The following GFRA3 variants were observed in gnomAD, a reference collection of about 807,000 sequenced individuals.
The protein encoded by GFRA3 is GDNF family receptor alpha-3.
A neutral mutation model predicts 40.0 loss-of-function variants in GFRA3; 24 were observed. The ratio of observed to expected loss-of-function variants is 0.60; its 90% CI spans 0.43 to 0.84. GFRA3 has a LOEUF of 0.84. GFRA3 is among the 40% of genes least tolerant of loss of function. The pLI is 0.00. For synonymous variants in GFRA3, 203 were observed against 213.5 expected (o/e 0.95, Z 0.43); for missense variants, 405 against 530.6 (o/e 0.76, Z 2.33).
At chr5:138,271,497 A>G (rs1054430138) in intron 1 of GFRA3, among the ~76,000 whole-genome samples, 3 of 152,180 alleles carry the variant, frequency 2.0e-5, no homozygotes, top group Non-Finnish European at 4.4e-5. Context: ...GATCCAGGGC[A>G]AAGGTCATAA....
rs774870199 is a variant in GFRA3 at position 138,274,320 on chromosome 5, G to C, written c.91+14C>G. The C allele has an allele frequency of 3.8e-6, 5 of 1,321,066 alleles. No homozygotes were observed. The highest frequency in any genetic ancestry group is 2.7e-5 in the South Asian group (1 of 37,000). 81.8% of individuals were successfully genotyped at this position (1,321,066 alleles called of 1,614,324 possible). On this transcript the variant is annotated intron_variant, in intron 1 of 7. Coordinates refer to ENST00000274721, the MANE Select transcript of GFRA3 (RefSeq NM_001496.4). ...CCCACTGTACCCCCGGCCGGTGCGCGCTCTGACACTCACCGGCTGCGAGAG... is the reference window on the plus strand; with the variant it reads ...CCCACTGTACCCCCGGCCGGTGCGCCCTCTGACACTCACCGGCTGCGAGAG...
In GFRA3 at chr5:138,264,363, G is replaced by C. The variant is rs1382532123; in HGVS notation, c.277C>G (p.Leu93Val). Residue 93 changes from leucine (L) to valine (V), a missense_variant, in exon 2 of 8, where the codon CTC (leucine) becomes GTC (valine). Physicochemically the swap from Leu to Val is conservative, Grantham distance 32. Transcript: ENST00000274721. ...PADCLEAAQQ[L>V]RNSSLIGCMC... ...CAGCCTATCAGAGAGCTGTTCCTGAGTTGCTGTGCTGCCTCCAGGCAGTCA... is the reference window on the plus strand; with the variant it reads ...CAGCCTATCAGAGAGCTGTTCCTGACTTGCTGTGCTGCCTCCAGGCAGTCA... 1 of 1,614,028 alleles carries C rather than the reference G, an allele frequency of 6.2e-7. No individual in the cohort carries two copies. The highest frequency in any genetic ancestry group is 1.6e-4 in the Middle Eastern group (1 of 6,062).
chr5:138,268,027 G>A lies in GFRA3; in HGVS notation c.92-3479C>T, dbSNP rs538619841. 9.8e-5 allele frequency among the ~76,000 whole-genome samples: 15 copies of A among 152,298 alleles called. No homozygotes were observed. In the South Asian group the frequency reaches 2.7e-3, roughly 27 times the overall value. On this transcript the variant is annotated intron_variant, in intron 1 of 7. Transcript: ENST00000274721. ...GAACTTAAATCTGGCCACCACGCCT[G>A]TAATCTCAGCACTTTGGGAGGCCAA... is the stretch of plus-strand genomic sequence containing the variant.
chr5:138,258,708 A>G (rs1472935413), intron 3 of GFRA3, among the ~76,000 whole-genome samples: 2 of 152,066 alleles, frequency 1.3e-5, no homozygotes, highest in Non-Finnish European at 2.9e-5. Context: ...TCCAAATTCT[A>G]TTTTAGGTTT....
At chr5:138,269,988 T>C (rs1203669683) in intron 1 of GFRA3, among the ~76,000 whole-genome samples, 4 of 151,888 alleles carry the variant, frequency 2.6e-5, no homozygotes, top group African/African-American at 9.7e-5. Flanking sequence ...AATTGCAGAA[T>C]CATGGAACCA....
chr5:138,257,767 TGGGCACAG>T lies in GFRA3; in HGVS notation c.649_656del (p.Leu217MetfsTer110). 5.6e-6 allele frequency: 9 copies of T among 1,611,262 alleles called. No homozygotes were observed. The highest frequency in any genetic ancestry group is 7.6e-6 in the Non-Finnish European group (9 of 1,178,434). On this transcript the variant is annotated frameshift_variant, in exon 4 of 8. Transcript: ENST00000274721. LOFTEE classifies it high-confidence loss of function. ...CGCAGCCCCGGTCGTTGGGGGCACA[TGGGCACAG>T]TAGCAGGCCCTGCGCGTGGGGCTCG... is the stretch of plus-strand genomic sequence containing the variant.
chr5:138,269,096 C>T (rs1017623945), intron 1 of GFRA3, among the ~76,000 whole-genome samples: 12 of 152,102 alleles, frequency 7.9e-5, no homozygotes, highest in Admixed American at 7.2e-4. Context: ...GTGATACCAA[C>T]TTACTACTTC....
At position 138,264,193 on chromosome 5, in the gene GFRA3, CAGGATTAAAAA is replaced by C; in HGVS notation, c.379+57_379+67del. The C allele has an allele frequency of 3.4e-6, 4 of 1,170,092 alleles. No homozygotes were observed. In the South Asian group the frequency reaches 5.9e-5, roughly 17 times the overall value. The allele number at this position is 1,170,092 out of a possible 1,614,324, so 72.5% of individuals were successfully genotyped here. A position where few individuals can be genotyped will look rare whatever the true frequency, so the allele number is the denominator to read the frequency against. On this transcript the variant is annotated intron_variant, in intron 2 of 7. Transcript: ENST00000274721. ...ATTCTACCATGTGGCCCATATCCTG[CAGGATTAAAAA>C]ACAACCCCCAAGAGCCATCTTCCCC...
chr5:138,254,282 G>A, intron 4 of GFRA3, 122 bp from the exon 5 acceptor site: 1 of 652,686 alleles, frequency 1.5e-6, no homozygotes, highest in Non-Finnish European at 2.7e-6. Flanking sequence ...CTGCCTCCCA[G>A]GTTCAAACAA....
At chr5:138,268,847 C>A (rs1755824863) in intron 1 of GFRA3, among the ~76,000 whole-genome samples, 1 of 151,112 alleles carries the variant, frequency 6.6e-6, no homozygotes, top group Non-Finnish European at 1.5e-5. Context: ...ATGGTGTGAA[C>A]CTGGGAGGCG....
chr5:138,271,913 T>TTTTTTTTTTTGTG (rs59830655), intron 1 of GFRA3, among the ~76,000 whole-genome samples: 1 of 54,332 alleles, frequency 1.8e-5, no homozygotes, highest in African/African-American at 7.0e-5. Context: ...TTTTTTTTTT[T>TTTTTTTTTTTGTG]TGTGTGTGTG....
At chr5:138,266,491 G>A (rs1355892732) in intron 1 of GFRA3, among the ~76,000 whole-genome samples, 1 of 152,116 alleles carries the variant, frequency 6.6e-6, no homozygotes, top group Non-Finnish European at 1.5e-5. Flanking sequence ...TAAAGTTTTT[G>A]TTGAGGTGTA....
intron 3 of GFRA3, 43 bp downstream of exon 3, chr5:138,259,513 TC>T: frequency 1.1e-6 from 1 of 870,598 alleles, no homozygotes. Flanking sequence ...TCCTCCAGGG[TC>T]CAGCCCCAGC....
At chr5:138,263,759 A>G (rs1173758841) in intron 2 of GFRA3, among the ~76,000 whole-genome samples, 1 of 152,188 alleles carries the variant, frequency 6.6e-6, no homozygotes, top group Non-Finnish European at 1.5e-5. Flanking sequence ...TAGTCCGGTA[A>G]AAGCTGACTA....
At chr5:138,254,334 C>A (rs909268312) in intron 4 of GFRA3, among the ~76,000 whole-genome samples, 174 bp from the exon 5 acceptor site, 1 of 152,134 alleles carries the variant, frequency 6.6e-6, no homozygotes, top group East Asian at 1.9e-4. Flanking sequence ...ACTACAGTCA[C>A]GTGCCACCAC....
At chr5:138,253,417 A>C in intron 6 of GFRA3, 42 bp from the exon 7 acceptor site, 1 of 1,253,602 alleles carries the variant, frequency 8.0e-7, no homozygotes, top group Non-Finnish European at 1.2e-6. Context: ...GTATGGGGGC[A>C]GGAGATTTCT....
In GFRA3 at chr5:138,264,368, T is replaced by C; in HGVS notation, c.272A>G (p.Gln91Arg). Residue 91 changes from glutamine to arginine, a missense_variant, in exon 2 of 8, where the codon CAG becomes CGG. Physicochemically the swap from Gln to Arg is conservative, Grantham distance 43 (BLOSUM62 1). Coordinates refer to ENST00000274721, the MANE Select transcript of GFRA3 (RefSeq NM_001496.4). ...TATCAGAGAGCTGTTCCTGAGTTGC[T>C]GTGCTGCCTCCAGGCAGTCAGCAGG... ...SVPADCLEAA[Q>R]QLRNSSLIGC... 1.9e-6 allele frequency: 3 copies of C among 1,613,954 alleles called. No individual in the cohort carries two copies. The highest frequency in any genetic ancestry group is 2.2e-5 in the South Asian group (2 of 91,082).
In GFRA3 at chr5:138,252,758, C is replaced by T. The variant is rs113961938; in HGVS notation, c.*210G>A. 1.0e-3 allele frequency: 471 copies of T among 463,396 alleles called. 3 individuals are homozygous for T. The highest frequency in any genetic ancestry group is 7.1e-3 in the African/African-American group (362 of 50,912). 28.7% of individuals were successfully genotyped at this position (463,396 alleles called of 1,614,324 possible). A position where few individuals can be genotyped will look rare whatever the true frequency, so the allele number is the denominator to read the frequency against. On this transcript the variant is annotated 3_prime_UTR_variant, in exon 8 of 8. Coordinates refer to ENST00000274721, the MANE Select transcript of GFRA3 (RefSeq NM_001496.4). ...GATGACATGGCTAAATTGTGGCCAC[C>T]AAGGAGGGGCAGCATGAATCAGAAG...
At chr5:138,255,985 T>A (rs1393493384) in intron 4 of GFRA3, among the ~76,000 whole-genome samples, 1 of 151,228 alleles carries the variant, frequency 6.6e-6, no homozygotes, top group Non-Finnish European at 1.5e-5. Flanking sequence ...ACCAGTACTT[T>A]AGGAGGCCAA....
Sources: gnomAD v4.1 joint callset for allele counts (sites outside exome capture counted in the v4.1 genomes callset) on GRCh38, gnomAD v4.1.1 for gene constraint, MANE v1.5 for transcripts, NCBI Gene and HGNC (gene_info 2026-07-23, HGNC 2026-07-21) for gene names.